Variants in MUC7 observed in about 807,000 individuals in gnomAD.
MUC7 encodes the protein mucin-7.
MUC7 carries 2 observed loss-of-function variants against 2.5 expected under a neutral mutation model. That is an observed-to-expected ratio of 0.81 (90% CI 0.33 to 2.55). The LOEUF is 2.55. MUC7 is among the 30% of genes most tolerant of loss of function. The pLI, the probability that MUC7 is intolerant of heterozygous loss-of-function variation, is 0.11. For missense variants in MUC7, 408 were observed against 455.6 expected (o/e 0.90, Z 0.95); for synonymous variants, 133 against 173.4 (o/e 0.77, Z 1.83).
At chr4:70,462,534 A>G (rs994314766) in intron 1 of MUC7, among the ~76,000 whole-genome samples, 7 of 152,236 alleles carry the variant, frequency 4.6e-5, no homozygotes, top group African/African-American at 1.7e-4. Flanking sequence ...AAAAGGACTT[A>G]GATACATTTA....
At chr4:70,472,318 A>G (rs867117052) in intron 1 of MUC7, 27 bp downstream of exon 1, 1 of 152,196 alleles carries the variant, frequency 6.6e-6, no homozygotes, top group Non-Finnish European at 1.5e-5. Context: ...GATAGGTTCT[A>G]ATATAAACTA....
chr4:70,449,037 C>G (rs959314531), intron 1 of MUC7, among the ~76,000 whole-genome samples: 2 of 152,106 alleles, frequency 1.3e-5, no homozygotes, highest in African/African-American at 2.4e-5. Flanking sequence ...ACTGTTCTTT[C>G]CTCAATGGAT....
chr4:70,431,499 G>A (rs1733665059), intron 1 of MUC7, among the ~76,000 whole-genome samples: 1 of 151,710 alleles, frequency 6.6e-6, no homozygotes, highest in Admixed American at 6.6e-5. Context: ...TGGGGGGGTG[G>A]GAGATGAATA....
intron 1 of MUC7, among the ~76,000 whole-genome samples, chr4:70,448,410 T>C (rs980639141): frequency 1.3e-5 from 2 of 152,190 alleles, no homozygotes; most frequent in Admixed American, 1.3e-4. Context: ...ACCAACAGTG[T>C]TCAAGTGTCC....
At chr4:70,446,925 T>C (rs1241051705) in intron 1 of MUC7, among the ~76,000 whole-genome samples, 1 of 152,202 alleles carries the variant, frequency 6.6e-6, no homozygotes, top group Non-Finnish European at 1.5e-5. Context: ...TTATCTCTTA[T>C]ATTAATATTA....
Position 70,481,467 on chromosome 4 carries a change from T to C in MUC7, c.723T>C (p.Pro241=), listed in dbSNP as rs745628934. 8 of 1,496,674 alleles carry C rather than the reference T, an allele frequency of 5.3e-6. 1 individual carries two copies. In the Admixed American group the frequency reaches 1.5e-4, roughly 28 times the overall value. 92.7% of individuals were successfully genotyped at this position (1,496,674 alleles called of 1,614,324 possible). Residue 241 remains proline (P), a synonymous_variant, in exon 3 of 3, where the codon CCT becomes CCC. Transcript: ENST00000304887. ...AGACCACAGCTGCCCCACCCACACC[T>C]TCTGCAACTACACCAGCTCCACTAT... ...PPETTAAPPT[P]SATTPAPLSS... is the part of the protein sequence containing the mutation.
At chr4:70,447,989 A>ATT (rs1560547481) in intron 1 of MUC7, among the ~76,000 whole-genome samples, 1 of 152,128 alleles carries the variant, frequency 6.6e-6, no homozygotes, top group Non-Finnish European at 1.5e-5. Flanking sequence ...TATGTCCATG[A>ATT]GTTCAATGGT....
intron 2 of MUC7, among the ~76,000 whole-genome samples, chr4:70,480,229 CA>C (rs1382641312): frequency 6.6e-6 from 1 of 152,110 alleles, no homozygotes; most frequent in African/African-American, 2.4e-5. Context: ...AGGTAATGAC[CA>C]AAGTTGTTTC....
At chr4:70,456,522 A>G (rs1734419011) in intron 1 of MUC7, among the ~76,000 whole-genome samples, 1 of 152,166 alleles carries the variant, frequency 6.6e-6, no homozygotes, top group Non-Finnish European at 1.5e-5. Context: ...AGGGGAAGCA[A>G]GGCACATCTT....
At chr4:70,445,085 T>C (rs1370697686) in intron 1 of MUC7, among the ~76,000 whole-genome samples, 1 of 151,954 alleles carries the variant, frequency 6.6e-6, no homozygotes, top group Non-Finnish European at 1.5e-5. Context: ...ACACTTTTGT[T>C]CCCCTTGAAA....
upstream of MUC7, among the ~76,000 whole-genome samples, chr4:70,467,529 G>T (rs1047442459): frequency 5.3e-5 from 8 of 151,922 alleles, no homozygotes; most frequent in Non-Finnish European, 7.4e-5. Flanking sequence ...TAATAAAGAA[G>T]AAAAGAGAGA....
intron 1 of MUC7, among the ~76,000 whole-genome samples, chr4:70,443,382 C>G (rs551854725): frequency 4.0e-5 from 6 of 151,254 alleles, no homozygotes; most frequent in South Asian, 2.1e-4. Flanking sequence ...AAAGTGGCCA[C>G]CAACAACCAA....
At chr4:70,443,055 C>G (rs927249275) in intron 1 of MUC7, among the ~76,000 whole-genome samples, 2 of 152,154 alleles carry the variant, frequency 1.3e-5, no homozygotes, top group Non-Finnish European at 2.9e-5. Flanking sequence ...GAACTTACTT[C>G]TTAAAACAAG....
At chr4:70,466,468 T>C (rs2109732684) in intron 1 of MUC7, among the ~76,000 whole-genome samples, 1 of 152,132 alleles carries the variant, frequency 6.6e-6, no homozygotes, top group East Asian at 1.9e-4. Flanking sequence ...GACTGGCAAA[T>C]TGGATAAAGA....
chr4:70,445,382 A>G (rs554989468), intron 1 of MUC7, among the ~76,000 whole-genome samples: 1 of 152,372 alleles, frequency 6.6e-6, no homozygotes, highest in African/African-American at 2.4e-5. Flanking sequence ...TTATGACACT[A>G]CATTTGATTA....
intron 1 of MUC7, among the ~76,000 whole-genome samples, chr4:70,454,808 C>A (rs924609544): frequency 5.3e-5 from 8 of 152,122 alleles, no homozygotes; most frequent in African/African-American, 1.7e-4. Flanking sequence ...GGTTTCAAGA[C>A]AACTAATGGC....
chr4:70,431,289 C>T (rs1733657787), intron 1 of MUC7, among the ~76,000 whole-genome samples: 1 of 151,978 alleles, frequency 6.6e-6, no homozygotes, highest in East Asian at 1.9e-4. Flanking sequence ...GCCAAAAAGG[C>T]TTTTATTTGC....
intron 1 of MUC7, among the ~76,000 whole-genome samples, chr4:70,465,135 C>T (rs922205165): frequency 1.9e-4 from 29 of 152,174 alleles, no homozygotes; most frequent in African/African-American, 6.8e-4. Context: ...CCAGCAAACT[C>T]CAGCAGACCT....
At chr4:70,464,001 G>A (rs557054204) in intron 1 of MUC7, among the ~76,000 whole-genome samples, 10 of 152,338 alleles carry the variant, frequency 6.6e-5, no homozygotes, top group Admixed American at 2.6e-4. Flanking sequence ...AGCTCCCAGT[G>A]AGATCAACAC....
Sources: allele counts gnomAD v4.1 joint callset (sites outside exome capture counted in the v4.1 genomes callset), GRCh38; gene constraint gnomAD v4.1.1; transcripts MANE v1.5; gene names NCBI Gene and HGNC (gene_info 2026-07-23, HGNC 2026-07-21).